The following CYP2J2 variants were observed in gnomAD, a reference collection of about 807,000 sequenced individuals.
The protein encoded by CYP2J2 is cytochrome P450 2J2.
Under a neutral mutation model 48.8 loss-of-function variants are expected in CYP2J2, and 41 were observed. The ratio of observed to expected loss-of-function variants is 0.84; its 90% CI spans 0.66 to 1.09. The LOEUF (loss-of-function observed/expected upper bound fraction) is 1.09, where lower values mean the gene tolerates loss of function less well. Among genes scored for constraint, CYP2J2 ranks in the 50% least tolerant of loss-of-function variants. The probability of loss-of-function intolerance (pLI) is 0.00; values close to 1 mark genes in which losing one functional copy is unlikely to be tolerated. For missense variants in CYP2J2, 644 were observed against 617.3 expected, an observed-to-expected ratio of 1.04 and a Z score of -0.46; for synonymous variants, 221 against 227.1, an observed-to-expected ratio of 0.97 and a Z score of 0.24.
At chr1:59,902,172 C>T (rs1644325865) in intron 7 of CYP2J2, among the ~76,000 whole-genome samples, 2 of 152,212 alleles carry the variant, frequency 1.3e-5, no homozygotes, top group Admixed American at 1.3e-4. Context: ...TAATCCTCAG[C>T]TCAAACATCA....
At chr1:59,946,414 A>G in the CYP2J2 span, among the ~76,000 whole-genome samples, 1 of 152,212 alleles carries the variant, frequency 6.6e-6, no homozygotes. Context: ...GTAAAACTGC[A>G]ACTCCTTTCT....
chr1:59,957,180 A>T, the CYP2J2 span, among the ~76,000 whole-genome samples: 2 of 152,178 alleles, frequency 1.3e-5, no homozygotes, highest in African/African-American at 4.8e-5. Flanking sequence ...CAACGCAATG[A>T]TAGGTAACCA....
intron 8 of CYP2J2, 114 bp from the exon 9 acceptor site, chr1:59,893,943 GC>G: frequency 1.0e-6 from 1 of 985,100 alleles, no homozygotes; most frequent in Non-Finnish European, 1.5e-6. Flanking sequence ...GGGCCTGTAG[GC>G]CCCAGGGTGT....
intron 8 of CYP2J2, among the ~76,000 whole-genome samples, chr1:59,900,190 A>G (rs1644304827): frequency 6.6e-6 from 1 of 152,216 alleles, no homozygotes. Context: ...GAATCCAATC[A>G]AGTTAAGCCA....
At chr1:59,965,536 C>T in the CYP2J2 span, among the ~76,000 whole-genome samples, 1 of 152,228 alleles carries the variant, frequency 6.6e-6, no homozygotes, top group African/African-American at 2.4e-5. Flanking sequence ...ATGGACTTTC[C>T]TAAGTACCCC....
chr1:59,928,581 G>T (rs1315063602), upstream of CYP2J2, among the ~76,000 whole-genome samples: 3 of 152,138 alleles, frequency 2.0e-5, no homozygotes, highest in Non-Finnish European at 2.9e-5. Flanking sequence ...CCAGCCCCCA[G>T]AATGTCATGT....
intron 8 of CYP2J2, among the ~76,000 whole-genome samples, chr1:59,895,052 T>C (rs1244359939): frequency 6.6e-6 from 1 of 152,266 alleles, no homozygotes; most frequent in Non-Finnish European, 1.5e-5. Context: ...ATCTTCAGTA[T>C]GTATTTTCTA....
At chr1:59,969,080 G>A in the CYP2J2 span, among the ~76,000 whole-genome samples, 1 of 152,296 alleles carries the variant, frequency 6.6e-6, no homozygotes, top group East Asian at 1.9e-4. Context: ...GGCTTCAGGA[G>A]TGAAGCTGCA....
At chr1:59,923,699 G>A (rs1326379421) in intron 1 of CYP2J2, among the ~76,000 whole-genome samples, 2 of 152,122 alleles carry the variant, frequency 1.3e-5, no homozygotes, top group Non-Finnish European at 1.5e-5. Context: ...GAATGGTAAT[G>A]ATAGCAGAAT....
chr1:59,899,777 A>G (rs1385357127), intron 8 of CYP2J2, among the ~76,000 whole-genome samples: 1 of 152,234 alleles, frequency 6.6e-6, no homozygotes, highest in Non-Finnish European at 1.5e-5. Flanking sequence ...TGATTACACT[A>G]GAACATATGC....
At chr1:59,907,282 A>G (rs1644372571) in intron 6 of CYP2J2, among the ~76,000 whole-genome samples, 1 of 152,188 alleles carries the variant, frequency 6.6e-6, no homozygotes, top group Non-Finnish European at 1.5e-5. Context: ...AAAAGCATCT[A>G]TCACGACATA....
the CYP2J2 span, among the ~76,000 whole-genome samples, chr1:59,947,873 A>G: frequency 6.6e-6 from 1 of 151,728 alleles, no homozygotes; most frequent in Non-Finnish European, 1.5e-5. Flanking sequence ...ATCCCTTTCT[A>G]CTGGAAGAAG....
At chr1:59,961,461 A>C in the CYP2J2 span, among the ~76,000 whole-genome samples, 1 of 152,234 alleles carries the variant, frequency 6.6e-6, no homozygotes, top group Admixed American at 6.5e-5. Flanking sequence ...ATAATAAAAA[A>C]GACATACAAC....
the CYP2J2 span, among the ~76,000 whole-genome samples, chr1:59,934,502 G>A: frequency 5.3e-5 from 8 of 152,026 alleles, no homozygotes; most frequent in Non-Finnish European, 1.2e-4. Context: ...CCTACAAATT[G>A]ATAGCAAAAA....
At chr1:59,959,861 A>G in the CYP2J2 span, among the ~76,000 whole-genome samples, 1 of 152,160 alleles carries the variant, frequency 6.6e-6, no homozygotes, top group Non-Finnish European at 1.5e-5. Flanking sequence ...ACACAAAGGC[A>G]TAAGAATGAC....
At chr1:59,935,058 C>T in the CYP2J2 span, among the ~76,000 whole-genome samples, 965 of 77,932 alleles carry the variant, frequency 0.012, 19 homozygotes, top group African/African-American at 0.038. Context: ...ATATACACAA[C>T]AGAATATTAT....
At chr1:59,920,456 T>G (rs1644503397) in intron 1 of CYP2J2, among the ~76,000 whole-genome samples, 1 of 152,006 alleles carries the variant, frequency 6.6e-6, no homozygotes, top group South Asian at 2.1e-4. Flanking sequence ...AGATAAATAA[T>G]CACTTCTCAT....
the CYP2J2 span, among the ~76,000 whole-genome samples, chr1:59,945,395 A>C: frequency 1.3e-5 from 2 of 149,172 alleles, no homozygotes; most frequent in Non-Finnish European, 3.0e-5. Flanking sequence ...AATTCTCTCT[A>C]TCTCTTTCTG....
the CYP2J2 span, among the ~76,000 whole-genome samples, chr1:59,969,044 C>CA: frequency 1.3e-5 from 2 of 152,128 alleles, no homozygotes; most frequent in Non-Finnish European, 2.9e-5. Flanking sequence ...GTTGTTCGTT[C>CA]CTCCTGGTGG....
Sources: gnomAD v4.1 joint callset for allele counts (sites outside exome capture counted in the v4.1 genomes callset) on GRCh38, gnomAD v4.1.1 for gene constraint, MANE v1.5 for transcripts, NCBI Gene and HGNC (gene_info 2026-07-23, HGNC 2026-07-21) for gene names.